Variants in PACC1 observed in about 807,000 individuals in gnomAD.
PACC1 encodes proton activated chloride channel 1, also known as proton-activated chloride channel.
Under a neutral mutation model 39.7 loss-of-function variants are expected in PACC1, and 34 were observed. The observed-to-expected ratio is 0.86, with a 90% CI of 0.65 to 1.14. PACC1 has a LOEUF of 1.14. Among genes scored for constraint, PACC1 ranks in the 50% most tolerant of loss-of-function variants. The pLI, the probability that PACC1 is intolerant of heterozygous loss-of-function variation, is 0.00. For missense variants in PACC1, 379 were observed against 436.4 expected (o/e 0.87, Z 1.17); for synonymous variants, 127 against 160.6 (o/e 0.79, Z 1.58).
At position 212,372,283 on chromosome 1, in the gene PACC1, AAAAAAAAAAAACAAAAAACAAAAAAC is replaced by A. The variant is rs1483587022; in HGVS notation, c.891+2884_891+2909del. ...CTGGGAGACAGAATGAAACTGTGTC[AAAAAAAAAAAACAAAAAACAAAAAAC>A]AAAAAAAAAACAAAAAACTCAACAA... On this transcript the variant is annotated intron_variant, in intron 7 of 7. Transcript: ENST00000261455. 5.6e-4 allele frequency among the ~76,000 whole-genome samples: 3 copies of A among 5,372 alleles called. No individual in the cohort carries two copies. In the African/African-American group the frequency reaches 6.9e-3, roughly 12 times the overall value. The allele number at this position is 5,372 out of a possible 152,430, so 3.5% of individuals were successfully genotyped here.
In PACC1 at chr1:212,402,286, G is replaced by A. The variant is rs542337544; in HGVS notation, c.133+8139C>T. Among the ~76,000 whole-genome samples the A allele has an allele frequency of 6.6e-5, 10 of 152,272 alleles. No individual in the cohort carries two copies. In the East Asian group the frequency reaches 1.2e-3, roughly 18 times the overall value. On this transcript the variant is annotated intron_variant, in intron 2 of 7. Coordinates refer to ENST00000261455, the MANE Select transcript of PACC1 (RefSeq NM_018252.3). ...ACCATTTTACATTCCTATCAGCAACGTATGGGGGTTCCAATCTCTCTACAT... is the reference window on the plus strand; with the variant it reads ...ACCATTTTACATTCCTATCAGCAACATATGGGGGTTCCAATCTCTCTACAT...
At chr1:212,388,988 C>T (rs1483864782) in intron 2 of PACC1, among the ~76,000 whole-genome samples, 1 of 152,134 alleles carries the variant, frequency 6.6e-6, no homozygotes, top group South Asian at 2.1e-4. Flanking sequence ...TGTCACATCA[C>T]CCTTCCACAG....
intron 2 of PACC1, among the ~76,000 whole-genome samples, chr1:212,402,521 T>C (rs151081611): frequency 3.9e-5 from 6 of 152,342 alleles, no homozygotes; most frequent in Non-Finnish European, 7.3e-5. Flanking sequence ...TTTGTCTTTA[T>C]TGTTGAATTG....
intron 2 of PACC1, among the ~76,000 whole-genome samples, chr1:212,406,857 G>A (rs920304445): frequency 1.3e-5 from 2 of 152,196 alleles, no homozygotes; most frequent in Non-Finnish European, 2.9e-5. Flanking sequence ...GCCACCTCCT[G>A]ATTTACCTGG....
At chr1:212,370,158 AACTG>A (rs1244393433) in intron 7 of PACC1, among the ~76,000 whole-genome samples, 1 of 152,208 alleles carries the variant, frequency 6.6e-6, no homozygotes, top group East Asian at 1.9e-4. Flanking sequence ...AAATGGACCT[AACTG>A]ACATTTACAA....
intron 7 of PACC1, among the ~76,000 whole-genome samples, chr1:212,367,030 C>T (rs1331906761): frequency 4.6e-5 from 7 of 152,260 alleles, no homozygotes; most frequent in South Asian, 4.1e-4. Flanking sequence ...CTCTGGTGGA[C>T]GGTGTGTCTT....
intron 2 of PACC1, among the ~76,000 whole-genome samples, chr1:212,400,773 T>C (rs142565256): frequency 1.5e-4 from 23 of 152,250 alleles, no homozygotes; most frequent in Admixed American, 1.4e-3. Context: ...AAGACAAAAA[T>C]AATGCACAAG....
At chr1:212,373,407 T>C (rs1157825673) in intron 7 of PACC1, among the ~76,000 whole-genome samples, 2 of 151,978 alleles carry the variant, frequency 1.3e-5, no homozygotes, top group Non-Finnish European at 2.9e-5. Flanking sequence ...AAGAAAACAC[T>C]GGGATAATGC....
In PACC1 at chr1:212,377,840, G is replaced by T. The variant is rs74138133; in HGVS notation, c.639-134C>A. On this transcript the variant is annotated intron_variant, in intron 5 of 7. Coordinates refer to ENST00000261455, the MANE Select transcript of PACC1 (RefSeq NM_018252.3). ...CCACTCCCTGCCTCCTCTCCAAATT[G>T]TGATTGCCTCAACAGGGCTGTCAGT... The T allele has an allele frequency of 1.9e-3, 1,922 of 996,792 alleles. 29 individuals are homozygous for T. In the African/African-American group the frequency reaches 0.028, roughly 15 times the overall value. The allele number at this position is 996,792 out of a possible 1,614,324, so 61.7% of individuals were successfully genotyped here. A position where few individuals can be genotyped will look rare whatever the true frequency, so the allele number is the denominator to read the frequency against.
chr1:212,391,912 G>C (rs192934943), intron 2 of PACC1, among the ~76,000 whole-genome samples: 8 of 152,232 alleles, frequency 5.3e-5, no homozygotes, highest in African/African-American at 1.7e-4. Flanking sequence ...TTAAAAAAAC[G>C]AACAAAGCCT....
chr1:212,390,675 G>A (rs1242502325), intron 2 of PACC1, among the ~76,000 whole-genome samples: 5 of 152,150 alleles, frequency 3.3e-5, no homozygotes, highest in Non-Finnish European at 7.4e-5. Flanking sequence ...AAAGGGTCAG[G>A]GAATTCCCTT....
chr1:212,403,183 T>G (rs2102532707), intron 2 of PACC1, among the ~76,000 whole-genome samples: 1 of 152,206 alleles, frequency 6.6e-6, no homozygotes, highest in East Asian at 1.9e-4. Flanking sequence ...AGACAGGAAA[T>G]GAATAGACTA....
intron 2 of PACC1, among the ~76,000 whole-genome samples, chr1:212,408,804 C>T (rs371697325): frequency 8.5e-5 from 13 of 152,216 alleles, no homozygotes; most frequent in East Asian, 3.8e-4. Context: ...ATCTTTATGG[C>T]GTGGTCAAGG....
intron 7 of PACC1, among the ~76,000 whole-genome samples, chr1:212,369,952 T>C (rs1558162672): frequency 6.6e-6 from 1 of 152,094 alleles, no homozygotes; most frequent in Non-Finnish European, 1.5e-5. Context: ...AACAAGAAGA[T>C]ACAACAACTG....
At position 212,390,253 on chromosome 1, in the gene PACC1, T is replaced by C. The variant is rs1441472837; in HGVS notation, c.134-3153A>G. ...TCCTGGCCAATGTGGTGAAACCCCG[T>C]CTCTACTAAAAATACAAAAATGAGC... On this transcript the variant is annotated intron_variant, in intron 2 of 7. Transcript: ENST00000261455. 2.0e-5 allele frequency among the ~76,000 whole-genome samples: 3 copies of C among 151,292 alleles called. No homozygotes were observed. In the South Asian group the frequency reaches 6.3e-4, roughly 32 times the overall value.
chr1:212,380,131 C>T, intron 4 of PACC1, 94 bp from the exon 5 acceptor site: 4 of 1,377,550 alleles, frequency 2.9e-6, no homozygotes, highest in East Asian at 4.6e-5. Context: ...AAGCCCATAG[C>T]TCCTTGCCCA....
chr1:212,377,431 C>G, intron 6 of PACC1, 131 bp downstream of exon 6: 1 of 1,270,486 alleles, frequency 7.9e-7, no homozygotes, highest in Non-Finnish European at 1.1e-6. Flanking sequence ...GGAGTCCCTT[C>G]TCATCCTGAC....
In PACC1 at chr1:212,379,885, A is replaced by G. The variant is rs991717212; in HGVS notation, c.638+10T>C. 6.2e-7 allele frequency: 1 copy of G among 1,614,078 alleles called. No homozygotes were observed. The highest frequency in any genetic ancestry group is 8.5e-7 in the Non-Finnish European group (1 of 1,179,974). ...AGACAGTAAGCCCACTGTGAACTCT[A>G]AAAGCCCACCTTTGCAGGAACTCCT... On this transcript the variant is annotated intron_variant, in intron 5 of 7. Coordinates refer to ENST00000261455, the MANE Select transcript of PACC1 (RefSeq NM_018252.3).
At chr1:212,407,633 TGTGA>T (rs139564761) in intron 2 of PACC1, among the ~76,000 whole-genome samples, 130 of 152,354 alleles carry the variant, frequency 8.5e-4, no homozygotes, top group African/African-American at 2.6e-3. Context: ...TATTGTTTTG[TGTGA>T]GTGTTTTTGG....
Sources: gnomAD v4.1 joint callset for allele counts (sites outside exome capture counted in the v4.1 genomes callset) on GRCh38, gnomAD v4.1.1 for gene constraint, MANE v1.5 for transcripts, NCBI Gene and HGNC (gene_info 2026-07-23, HGNC 2026-07-21) for gene names.